PDIA6: variants seen among roughly 807,000 people sequenced by gnomAD.
PDIA6 encodes protein disulfide-isomerase A6.
In PDIA6, 29 loss-of-function variants were observed where a neutral mutation model predicts 58.4. That is an observed-to-expected ratio of 0.50 (90% CI 0.37 to 0.68). The LOEUF is 0.68. Ranked by LOEUF, PDIA6 falls within the 30% of genes least tolerant of loss-of-function variation. The probability of loss-of-function intolerance (pLI) is 0.00; values close to 1 mark genes in which losing one functional copy is unlikely to be tolerated. For synonymous variants in PDIA6, 192 were observed against 202.6 expected, an observed-to-expected ratio of 0.95 and a Z score of 0.44; for missense variants, 480 against 551.0, an observed-to-expected ratio of 0.87 and a Z score of 1.29.
upstream of PDIA6, among the ~76,000 whole-genome samples, chr2:10,813,571 C>A (rs139191345): frequency 3.2e-3 from 486 of 152,366 alleles, 4 homozygotes; most frequent in African/African-American, 0.011. Flanking sequence ...AGTGAGCCTC[C>A]TGCCTCGGCC....
At position 10,810,252 on chromosome 2, in the gene PDIA6, T is replaced by C. The variant is rs1026958623; in HGVS notation, c.19+2426A>G. On this transcript the variant is annotated intron_variant, in intron 1 of 12. Coordinates refer to ENST00000272227, the MANE Select transcript of PDIA6 (RefSeq NM_005742.4). ...AGAAAGGATAACTTACCTAAGATCA[T>C]ATAATTAGATAGACCCAAATTTCTA... 19 of 1,479,040 alleles carry C rather than the reference T, an allele frequency of 1.3e-5. No individual in the cohort carries two copies. In the African/African-American group the frequency reaches 1.4e-4, roughly 11 times the overall value. The allele number at this position is 1,479,040 out of a possible 1,614,324, so 91.6% of individuals were successfully genotyped here.
chr2:10,833,910 T>G (rs80201580), upstream of PDIA6, among the ~76,000 whole-genome samples: 11,095 of 152,268 alleles, frequency 0.073, 739 homozygotes, highest in African/African-American at 0.17. Context: ...CCCAGACGCT[T>G]GTTTAGAGAA....
rs1177433098 is a variant in PDIA6, at chr2:10,783,851, T to C, written c.*407A>G. 1.3e-5 allele frequency: 2 copies of C among 159,512 alleles called. No individual in the cohort carries two copies. Among genetic ancestry groups the C allele is most frequent in the Admixed American group, 6.2e-5 (1 of 16,128 alleles). The allele number at this position is 159,512 out of a possible 1,614,324, so 9.9% of individuals were successfully genotyped here. On this transcript the variant is annotated 3_prime_UTR_variant, in exon 13 of 13. Coordinates refer to ENST00000272227, the MANE Select transcript of PDIA6 (RefSeq NM_005742.4). ...ATTTATGATGTGGATACTAACTTCA[T>C]ACATTTATCGGCATTGTCCAAAATA...
intron 1 of PDIA6, among the ~76,000 whole-genome samples, chr2:10,824,192 G>T (rs1195992874): frequency 6.6e-6 from 1 of 151,146 alleles, no homozygotes; most frequent in African/African-American, 2.4e-5. Flanking sequence ...TGCTTCAGGA[G>T]GAGACACTCA....
Position 10,784,007 on chromosome 2 carries a change from G to A in PDIA6, c.*251C>T, listed in dbSNP as rs556342717. 18 of 320,866 alleles carry A rather than the reference G, an allele frequency of 5.6e-5. No individual in the cohort carries two copies. In the Admixed American group the frequency reaches 7.2e-4, roughly 13 times the overall value. The allele number at this position is 320,866 out of a possible 1,614,324, so 19.9% of individuals were successfully genotyped here. A position where few individuals can be genotyped will look rare whatever the true frequency, so the allele number is the denominator to read the frequency against. ...GAGAGAAAAATGTTTCGACAGCCAAGTTTTCTTCAAAATATTATGTGACAG... is the reference window on the plus strand; with the variant it reads ...GAGAGAAAAATGTTTCGACAGCCAAATTTTCTTCAAAATATTATGTGACAG... On this transcript the variant is annotated 3_prime_UTR_variant, in exon 13 of 13. Coordinates refer to ENST00000272227, the MANE Select transcript of PDIA6 (RefSeq NM_005742.4).
intron 1 of PDIA6, 141 bp from the exon 2 acceptor site, chr2:10,802,781 G>A: frequency 2.0e-6 from 1 of 509,172 alleles, no homozygotes; most frequent in Non-Finnish European, 3.2e-6. Flanking sequence ...TGCCCTTCCT[G>A]CTGCAGTTGG....
intron 11 of PDIA6, 32 bp downstream of exon 11, chr2:10,787,248 CA>C: frequency 6.3e-7 from 1 of 1,596,426 alleles, no homozygotes; most frequent in Non-Finnish European, 8.6e-7. Context: ...AACAAACAGA[CA>C]AAACAACAAA....
chr2:10,811,755 G>A (rs1324054712), intron 1 of PDIA6, among the ~76,000 whole-genome samples: 1 of 152,204 alleles, frequency 6.6e-6, no homozygotes, highest in East Asian at 1.9e-4. Context: ...CCACTAAGAA[G>A]CAGACATTTA....
intron 1 of PDIA6, among the ~76,000 whole-genome samples, chr2:10,822,751 T>A (rs888893893): frequency 6.6e-6 from 1 of 152,230 alleles, no homozygotes. Context: ...CTGGCTTTAC[T>A]AAACAATTTG....
chr2:10,790,600 T>C, intron 7 of PDIA6, 119 bp downstream of exon 7: 1 of 690,046 alleles, frequency 1.4e-6, no homozygotes, highest in Non-Finnish European at 2.5e-6. Flanking sequence ...CTTTATCTCT[T>C]CACTTACAAA....
In PDIA6 at chr2:10,791,844, C is replaced by G. The variant is rs752892203; in HGVS notation, c.535G>C (p.Asp179His). The change falls in exon 6 of 13, where the codon GAT becomes CAT. Residue 179 changes from aspartate to histidine, a missense_variant. Transcript: ENST00000272227. ...SFDKNVLDSE[D>H]VWMVEFYAPW... ...GCATAGAACTCAACCATCCAAACAT[C>G]TTCACTGTCCAGAACATTCTTATCA... 2.3e-5 allele frequency: 37 copies of G among 1,614,016 alleles called. No homozygotes were observed. Among genetic ancestry groups the G allele is most frequent in the Non-Finnish European group, 2.9e-5 (34 of 1,179,990 alleles).
upstream of PDIA6, among the ~76,000 whole-genome samples, chr2:10,834,753 T>C (rs958097074): frequency 8.4e-3 from 976 of 116,072 alleles, 30 homozygotes; most frequent in African/African-American, 0.027. Context: ...CTTCCTTCCT[T>C]CCTTCCTTCC....
chr2:10,822,539 G>A (rs1667430787), intron 1 of PDIA6, among the ~76,000 whole-genome samples: 1 of 152,212 alleles, frequency 6.6e-6, no homozygotes, highest in Non-Finnish European at 1.5e-5. Context: ...TAGGATTACA[G>A]GCGTGAGCCA....
At position 10,808,413 on chromosome 2, in the gene PDIA6, T is replaced by C. The variant is rs185953257; in HGVS notation, c.19+4265A>G. 1.6e-4 allele frequency among the ~76,000 whole-genome samples: 25 copies of C among 151,666 alleles called. 1 individual carries two copies. Among genetic ancestry groups the C allele is most frequent in the Non-Finnish European group, 3.1e-4 (21 of 67,940 alleles). On this transcript the variant is annotated intron_variant, in intron 1 of 12. Transcript: ENST00000272227. ...AGTCTGCAGAAGGTTGGAGAGAATA[T>C]AGGTAACTCTTTAAGCAGGTTTCAT...
At chr2:10,799,600 G>A (rs1050501931) in intron 2 of PDIA6, among the ~76,000 whole-genome samples, 4 of 152,142 alleles carry the variant, frequency 2.6e-5, no homozygotes, top group Non-Finnish European at 2.9e-5. Context: ...AGGGTCTATC[G>A]GGGGAATGTC....
chr2:10,788,665 A>G, intron 10 of PDIA6, 32 bp downstream of exon 10: 1 of 1,444,908 alleles, frequency 6.9e-7, no homozygotes, highest in South Asian at 1.1e-5. Context: ...AGCTGTTCAG[A>G]TGACACTCAG....
At chr2:10,797,612 C>T (rs1427134915) in intron 3 of PDIA6, 88 bp downstream of exon 3, 9 of 911,128 alleles carry the variant, frequency 9.9e-6, no homozygotes, top group Non-Finnish European at 1.2e-5. Context: ...ATACTTATTA[C>T]TTAAACATAC....
At position 10,795,963 on chromosome 2, in the gene PDIA6, T is replaced by C. The variant is rs559946625; in HGVS notation, c.346+1118A>G. On this transcript the variant is annotated intron_variant, in intron 4 of 12. Transcript: ENST00000272227. ...TTACCAAATTAGTCATAATTTCAGC[T>C]TCAAACAAATTATGCCCAATACTTT... is the stretch of plus-strand genomic sequence containing the variant. Among the ~76,000 whole-genome samples the C allele has an allele frequency of 1.4e-3, 214 of 152,332 alleles. 1 individual carries two copies. The highest frequency in any genetic ancestry group is 4.9e-3 in the African/African-American group (204 of 41,578).
chr2:10,819,200 C>T, intron 2 of PDIA6: 3 of 834,272 alleles, frequency 3.6e-6, no homozygotes. Flanking sequence ...TGTTAGTGGA[C>T]ACTTGGGTTG....
Sources: gnomAD v4.1 joint callset for allele counts (sites outside exome capture counted in the v4.1 genomes callset) on GRCh38, gnomAD v4.1.1 for gene constraint, MANE v1.5 for transcripts, NCBI Gene and HGNC (gene_info 2026-07-23, HGNC 2026-07-21) for gene names.